The following CNTN4 variants were observed in gnomAD, a reference collection of about 807,000 sequenced individuals.
The protein encoded by CNTN4 is contactin 4.
Under a neutral mutation model 122.5 loss-of-function variants are expected in CNTN4, and 77 were observed. The ratio of observed to expected loss-of-function variants is 0.63; its 90% CI spans 0.52 to 0.76. CNTN4 has a LOEUF of 0.76. Among genes scored for constraint, CNTN4 ranks in the 30% least tolerant of loss-of-function variants. CNTN4 has a pLI of 0.00. For missense variants in CNTN4, 1,256 were observed against 1,259.1 expected, an observed-to-expected ratio of 1.00 and a Z score of 0.04; for synonymous variants, 512 against 447.0, an observed-to-expected ratio of 1.15 and a Z score of -1.83.
At chr3:2,368,122 T>A (rs923744377) in intron 3 of CNTN4, among the ~76,000 whole-genome samples, 7 of 147,398 alleles carry the variant, frequency 4.7e-5, no homozygotes, top group Non-Finnish European at 8.9e-5. Context: ...AAGCTCTGCC[T>A]CCTGGGTTCA....
In CNTN4 at chr3:2,107,030, G is replaced by A. The variant is rs192402035; in HGVS notation, c.-145+6391G>A. ...GACTTCATTGTCCAAATCATTATTA[G>A]CATTTTGGCCAAAACCATTCAACAA... is the stretch of plus-strand genomic sequence containing the variant. On this transcript the variant is annotated intron_variant, in intron 2 of 24. Coordinates refer to ENST00000418658, the MANE Select transcript of CNTN4 (RefSeq NM_175607.3). 1.0e-3 allele frequency among the ~76,000 whole-genome samples: 156 copies of A among 152,258 alleles called. 1 individual carries two copies. Among genetic ancestry groups the A allele is most frequent in the Admixed American group, 8.8e-3 (135 of 15,304 alleles).
chr3:2,973,222 G>A (rs934394349), intron 13 of CNTN4, among the ~76,000 whole-genome samples: 4 of 152,008 alleles, frequency 2.6e-5, no homozygotes, highest in African/African-American at 7.3e-5. Context: ...GACTTGAGTC[G>A]ATCATGGAAG....
intron 4 of CNTN4, among the ~76,000 whole-genome samples, chr3:2,611,963 G>A (rs993783408): frequency 1.3e-5 from 2 of 152,086 alleles, no homozygotes; most frequent in Admixed American, 6.6e-5. Flanking sequence ...ATATGTAGGA[G>A]ATGGAGCTTT....
At chr3:2,661,157 C>G (rs76421119) in intron 4 of CNTN4, among the ~76,000 whole-genome samples, 5,584 of 152,244 alleles carry the variant, frequency 0.037, 148 homozygotes, top group Non-Finnish European at 0.051. Flanking sequence ...TAATTCTTAG[C>G]CAGACTAAGA....
chr3:2,968,801 A>T (rs967111791), intron 13 of CNTN4, among the ~76,000 whole-genome samples: 1 of 151,758 alleles, frequency 6.6e-6, no homozygotes, highest in Non-Finnish European at 1.5e-5. Flanking sequence ...ACCCATGTTG[A>T]CCCCCTTCTT....
At chr3:2,509,321 G>A (rs1431598783) in intron 3 of CNTN4, among the ~76,000 whole-genome samples, 4 of 152,048 alleles carry the variant, frequency 2.6e-5, no homozygotes, top group African/African-American at 4.8e-5. Flanking sequence ...CATGAAATTC[G>A]TGCCAGTCAT....
At chr3:2,586,495 G>A (rs2080211051) in intron 4 of CNTN4, among the ~76,000 whole-genome samples, 1 of 152,230 alleles carries the variant, frequency 6.6e-6, no homozygotes, top group East Asian at 1.9e-4. Flanking sequence ...ATTTCACCAT[G>A]TTGGCCAGGC....
intron 3 of CNTN4, among the ~76,000 whole-genome samples, chr3:2,521,714 C>T (rs1314296154): frequency 6.6e-6 from 1 of 151,934 alleles, no homozygotes; most frequent in Non-Finnish European, 1.5e-5. Flanking sequence ...AATTTCTTTC[C>T]CCCAAGTCTA....
At chr3:2,605,678 C>G (rs1420476366) in intron 4 of CNTN4, among the ~76,000 whole-genome samples, 1 of 152,020 alleles carries the variant, frequency 6.6e-6, no homozygotes, top group Non-Finnish European at 1.5e-5. Context: ...GTGGAGCTAT[C>G]AGATTTGTGA....
intron 2 of CNTN4, among the ~76,000 whole-genome samples, chr3:2,141,911 G>C (rs910163072): frequency 4.6e-5 from 7 of 152,162 alleles, no homozygotes; most frequent in Non-Finnish European, 1.0e-4. Context: ...AGATTGAAAT[G>C]CTCTAAACCA....
chr3:2,710,269 G>T, intron 4 of CNTN4, among the ~76,000 whole-genome samples: 1 of 152,104 alleles, frequency 6.6e-6, no homozygotes, highest in Non-Finnish European at 1.5e-5. Context: ...TGTATAGGAT[G>T]TGTGTAAAGC....
At chr3:2,460,000 A>G (rs1302903870) in intron 3 of CNTN4, among the ~76,000 whole-genome samples, 1 of 152,082 alleles carries the variant, frequency 6.6e-6, no homozygotes, top group East Asian at 1.9e-4. Flanking sequence ...TGAGAGAGCT[A>G]TTGCTGCTGG....
chr3:2,600,128 A>G (rs2080968243), intron 4 of CNTN4, among the ~76,000 whole-genome samples: 1 of 149,256 alleles, frequency 6.7e-6, no homozygotes, highest in South Asian at 2.1e-4. Flanking sequence ...GGTTTATTCA[A>G]ATACCATTTT....
intron 2 of CNTN4, among the ~76,000 whole-genome samples, chr3:2,176,673 A>G (rs1265216411): frequency 6.6e-6 from 1 of 152,184 alleles, no homozygotes; most frequent in Non-Finnish European, 1.5e-5. Flanking sequence ...GATATGCCAC[A>G]AGCAAACTGG....
chr3:2,253,341 C>T (rs749538340), intron 2 of CNTN4, among the ~76,000 whole-genome samples: 11 of 151,966 alleles, frequency 7.2e-5, no homozygotes, highest in Admixed American at 5.2e-4. Context: ...CCTTTTTAAA[C>T]GTTTATTTTT....
chr3:2,864,300 C>T (rs1237162640), intron 7 of CNTN4, among the ~76,000 whole-genome samples: 3 of 152,152 alleles, frequency 2.0e-5, no homozygotes, highest in African/African-American at 7.2e-5. Flanking sequence ...TGTTGTTGTT[C>T]CTCTCCAATT....
chr3:2,466,902 CTTTT>C (rs1198432546), intron 3 of CNTN4, among the ~76,000 whole-genome samples: 1 of 149,450 alleles, frequency 6.7e-6, no homozygotes, highest in Non-Finnish European at 1.5e-5. Context: ...GTCCTTTGTT[CTTTT>C]AGCAAGACCT....
rs551156343 is a variant in CNTN4, at chr3:2,727,062, G to A, written c.56-9153G>A. Among the ~76,000 whole-genome samples the A allele has an allele frequency of 5.3e-5, 8 of 152,268 alleles. No individual in the cohort carries two copies. In the East Asian group the frequency reaches 1.4e-3, roughly 26 times the overall value. The stretch of plus-strand genomic sequence containing the variant: ...GTCCTCTCTAGAGTAAACATTCCAT[G>A]AGGGCAGGACAATGTCTGCTTTGCA... On this transcript the variant is annotated intron_variant, in intron 4 of 24. Coordinates refer to ENST00000418658, the MANE Select transcript of CNTN4 (RefSeq NM_175607.3).
At chr3:2,978,378 C>T (rs1057200850) in intron 13 of CNTN4, among the ~76,000 whole-genome samples, 3 of 152,146 alleles carry the variant, frequency 2.0e-5, no homozygotes, top group Non-Finnish European at 4.4e-5. Flanking sequence ...GTCTCAAAGG[C>T]CTGCAGGGGC....
Sources: gnomAD v4.1 joint callset for allele counts (sites outside exome capture counted in the v4.1 genomes callset) on GRCh38, gnomAD v4.1.1 for gene constraint, MANE v1.5 for transcripts, NCBI Gene and HGNC (gene_info 2026-07-23, HGNC 2026-07-21) for gene names.